Variants in ALK observed in about 807,000 individuals in gnomAD.
ALK encodes ALK tyrosine kinase receptor.
ALK carries 74 observed loss-of-function variants against 163.1 expected under a neutral mutation model. The ratio of observed to expected loss-of-function variants is 0.45; its 90% CI spans 0.38 to 0.55. The LOEUF is 0.55. Among genes scored for constraint, ALK ranks in the 20% least tolerant of loss-of-function variants. The pLI, the probability that ALK is intolerant of heterozygous loss-of-function variation, is 0.00. For missense variants in ALK, 2,063 were observed against 2,105.3 expected (o/e 0.98, Z 0.39); for synonymous variants, 960 against 843.2 (o/e 1.14, Z -2.40).
At chr2:29,269,802 C>T (rs547233179) in intron 11 of ALK, among the ~76,000 whole-genome samples, 81 of 138,974 alleles carry the variant, frequency 5.8e-4, no homozygotes, top group African/African-American at 1.9e-3. Context: ...AATGAACAGT[C>T]CCCCCCCAGC....
At chr2:29,707,924 A>G (rs1678960514) in intron 2 of ALK, among the ~76,000 whole-genome samples, 2 of 152,214 alleles carry the variant, frequency 1.3e-5, no homozygotes, top group South Asian at 4.1e-4. Context: ...GCTGAAGGTA[A>G]TACAACTCAC....
intron 3 of ALK, among the ~76,000 whole-genome samples, chr2:29,589,901 G>A (rs1320442355): frequency 2.0e-5 from 3 of 152,224 alleles, no homozygotes; most frequent in Non-Finnish European, 4.4e-5. Context: ...AGAAAGGAAA[G>A]TAAACAGTGA....
intron 1 of ALK, among the ~76,000 whole-genome samples, chr2:29,864,528 A>T (rs1232585371): frequency 6.6e-6 from 1 of 152,228 alleles, no homozygotes; most frequent in African/African-American, 2.4e-5. Flanking sequence ...CATGATACCA[A>T]GAATCACATC....
intron 1 of ALK, among the ~76,000 whole-genome samples, chr2:29,909,248 G>C (rs1323316801): frequency 6.6e-6 from 1 of 152,244 alleles, no homozygotes; most frequent in African/African-American, 2.4e-5. Flanking sequence ...TATAATCCTT[G>C]AAAGAGTGAG....
At chr2:29,325,542 G>A (rs758793776) in intron 6 of ALK, among the ~76,000 whole-genome samples, 3 of 152,152 alleles carry the variant, frequency 2.0e-5, no homozygotes, top group Non-Finnish European at 4.4e-5. Flanking sequence ...GGACCTCCCT[G>A]TCTCTTCCTG....
intron 5 of ALK, among the ~76,000 whole-genome samples, chr2:29,347,290 T>C (rs561104632): frequency 6.6e-6 from 1 of 152,290 alleles, no homozygotes; most frequent in South Asian, 2.1e-4. Context: ...TGGCCATTCC[T>C]CTGAAACTCT....
At chr2:29,884,809 C>T (rs1259541057) in intron 1 of ALK, among the ~76,000 whole-genome samples, 1 of 152,058 alleles carries the variant, frequency 6.6e-6, no homozygotes, top group Non-Finnish European at 1.5e-5. Context: ...TTTTAGATGC[C>T]ATGAAGAAAA....
intron 4 of ALK, among the ~76,000 whole-genome samples, chr2:29,442,129 G>A (rs80099269): frequency 2.8e-5 from 3 of 105,480 alleles, no homozygotes; most frequent in Admixed American, 9.5e-5. Context: ...TCTGGTCTCC[G>A]GCAGCCATTC....
intron 11 of ALK, among the ~76,000 whole-genome samples, chr2:29,270,305 T>C (rs961031781): frequency 4.6e-5 from 7 of 152,254 alleles, no homozygotes; most frequent in African/African-American, 1.4e-4. Flanking sequence ...TCTAACTTAG[T>C]GCAAGTTAGT....
At chr2:29,473,770 C>T (rs568083834) in intron 4 of ALK, among the ~76,000 whole-genome samples, 2 of 152,152 alleles carry the variant, frequency 1.3e-5, no homozygotes, top group South Asian at 2.1e-4. Flanking sequence ...GCAGGAGAAT[C>T]GCTTGAATCT....
intron 14 of ALK, among the ~76,000 whole-genome samples, chr2:29,232,692 T>C (rs960438045): frequency 1.3e-5 from 2 of 152,186 alleles, no homozygotes; most frequent in African/African-American, 4.8e-5. Context: ...GAGCAAAATA[T>C]AGATACCAGG....
chr2:29,589,058 G>C (rs546841713), intron 3 of ALK, among the ~76,000 whole-genome samples: 3 of 152,232 alleles, frequency 2.0e-5, no homozygotes, highest in African/African-American at 7.2e-5. Context: ...TGAGGTCTGA[G>C]AGCTTTAGAG....
At chr2:29,626,471 A>G (rs1676197301) in intron 3 of ALK, among the ~76,000 whole-genome samples, 1 of 152,198 alleles carries the variant, frequency 6.6e-6, no homozygotes, top group African/African-American at 2.4e-5. Context: ...ATCTTCTGCC[A>G]TGATTGTGAG....
At chr2:29,288,687 A>G (rs1665927172) in intron 9 of ALK, among the ~76,000 whole-genome samples, 1 of 152,176 alleles carries the variant, frequency 6.6e-6, no homozygotes, top group Non-Finnish European at 1.5e-5. Context: ...GCGGTGGCTC[A>G]TGCCTGTAAT....
At chr2:29,337,944 T>C (rs1410052819) in intron 5 of ALK, among the ~76,000 whole-genome samples, 1 of 152,190 alleles carries the variant, frequency 6.6e-6, no homozygotes, top group African/African-American at 2.4e-5. Context: ...GCTTGCAGTT[T>C]TCTATAAATT....
chr2:29,321,071 G>A (rs1019670603), intron 6 of ALK, among the ~76,000 whole-genome samples, 189 bp from the exon 7 acceptor site: 7 of 152,268 alleles, frequency 4.6e-5, no homozygotes, highest in South Asian at 4.1e-4. Flanking sequence ...ACTGATGCCC[G>A]TGCTGGTTTA....
intron 3 of ALK, among the ~76,000 whole-genome samples, chr2:29,666,361 A>T (rs1452358372): frequency 2.0e-5 from 3 of 151,848 alleles, no homozygotes; most frequent in African/African-American, 4.9e-5. Flanking sequence ...CCTAATTTGA[A>T]ACTATCAAAA....
At chr2:29,916,377 C>T (rs1399755783) in intron 1 of ALK, among the ~76,000 whole-genome samples, 2 of 152,196 alleles carry the variant, frequency 1.3e-5, no homozygotes, top group East Asian at 3.8e-4. Flanking sequence ...CGCCATTTAG[C>T]CCAGCCATAT....
intron 1 of ALK, among the ~76,000 whole-genome samples, chr2:29,913,667 A>G (rs952920054): frequency 6.6e-6 from 1 of 152,104 alleles, no homozygotes; most frequent in Non-Finnish European, 1.5e-5. Context: ...GTTCATAGAA[A>G]CCACCATGTA....
Sources: allele counts gnomAD v4.1 joint callset (sites outside exome capture counted in the v4.1 genomes callset), GRCh38; gene constraint gnomAD v4.1.1; transcripts MANE v1.5; gene names NCBI Gene and HGNC (gene_info 2026-07-23, HGNC 2026-07-21).